The following DLEU7 variants were observed in gnomAD, a reference collection of about 807,000 sequenced individuals.
The protein encoded by DLEU7 is leukemia-associated protein 7.
A neutral mutation model predicts 16.0 loss-of-function variants in DLEU7; 17 were observed. The observed-to-expected ratio is 1.06, with a 90% CI of 0.73 to 1.59. The LOEUF is 1.59. DLEU7 is among the 40% of genes most tolerant of loss of function. The pLI, the probability that DLEU7 is intolerant of heterozygous loss-of-function variation, is 0.00. For synonymous variants in DLEU7, 113 were observed against 139.8 expected (o/e 0.81, Z 1.35); for missense variants, 308 against 314.9 (o/e 0.98, Z 0.17).
chr13:50,746,576 G>T (rs1874402109), intron 1 of DLEU7, among the ~76,000 whole-genome samples: 1 of 152,258 alleles, frequency 6.6e-6, no homozygotes, highest in East Asian at 1.9e-4. Context: ...TCCCCTCTGA[G>T]TATGAATCAC....
chr13:50,721,397 C>T (rs974949875), intron 1 of DLEU7, among the ~76,000 whole-genome samples: 1 of 152,076 alleles, frequency 6.6e-6, no homozygotes, highest in Non-Finnish European at 1.5e-5. Flanking sequence ...GTCAATTCTC[C>T]TTAATAAACT....
At chr13:50,816,976 G>T (rs1807641118) in intron 1 of DLEU7, among the ~76,000 whole-genome samples, 1 of 152,086 alleles carries the variant, frequency 6.6e-6, no homozygotes, top group African/African-American at 2.4e-5. Flanking sequence ...GTGCAGGGAG[G>T]CAGGGGTCTT....
chr13:50,837,566 T>C (rs1877512076), intron 1 of DLEU7, among the ~76,000 whole-genome samples: 1 of 152,200 alleles, frequency 6.6e-6, no homozygotes, highest in East Asian at 1.9e-4. Context: ...TATAAAAGCA[T>C]GATTTTGTCA....
chr13:50,757,616 C>T (rs1874801258), intron 1 of DLEU7, among the ~76,000 whole-genome samples: 1 of 152,204 alleles, frequency 6.6e-6, no homozygotes, highest in Admixed American at 6.5e-5. Flanking sequence ...ATGCTTGTTA[C>T]TGCAATCGAT....
intron 1 of DLEU7, among the ~76,000 whole-genome samples, chr13:50,741,345 G>T (rs1311829079): frequency 6.6e-6 from 1 of 152,084 alleles, no homozygotes; most frequent in East Asian, 1.9e-4. Context: ...TGAAGATATG[G>T]CTCATGAACC....
At chr13:50,741,499 T>C (rs181215144) in intron 1 of DLEU7, among the ~76,000 whole-genome samples, 2 of 152,298 alleles carry the variant, frequency 1.3e-5, no homozygotes, top group South Asian at 2.1e-4. Context: ...GGAGTTCTTA[T>C]ACAAAAATAA....
At chr13:50,816,230 A>T (rs2137795539) in intron 1 of DLEU7, among the ~76,000 whole-genome samples, 1 of 152,212 alleles carries the variant, frequency 6.6e-6, no homozygotes, top group Non-Finnish European at 1.5e-5. Context: ...TCTCCCTTTC[A>T]TCCTTCAATT....
chr13:50,785,770 C>T (rs775734863), intron 1 of DLEU7, among the ~76,000 whole-genome samples: 1 of 152,148 alleles, frequency 6.6e-6, no homozygotes, highest in Non-Finnish European at 1.5e-5. Flanking sequence ...TGGGAAGTAC[C>T]AGTTTTCTCC....
At chr13:50,794,861 C>A (rs1876065637) in intron 1 of DLEU7, among the ~76,000 whole-genome samples, 1 of 151,940 alleles carries the variant, frequency 6.6e-6, no homozygotes, top group Admixed American at 6.6e-5. Context: ...TGGAAGCTGG[C>A]TGGCTAGGTT....
chr13:50,747,075 C>A (rs1292521678), intron 1 of DLEU7, among the ~76,000 whole-genome samples: 1 of 151,934 alleles, frequency 6.6e-6, no homozygotes, highest in Non-Finnish European at 1.5e-5. Flanking sequence ...TAATAAGAAC[C>A]AGAATTCACG....
intron 1 of DLEU7, among the ~76,000 whole-genome samples, chr13:50,770,977 C>T (rs1875289507): frequency 6.6e-6 from 1 of 152,168 alleles, no homozygotes; most frequent in African/African-American, 2.4e-5. Context: ...GATTCAACTT[C>T]TTCCTGGTTT....
intron 1 of DLEU7, among the ~76,000 whole-genome samples, chr13:50,773,680 T>C (rs1237415491): frequency 6.6e-6 from 1 of 152,142 alleles, no homozygotes; most frequent in Non-Finnish European, 1.5e-5. Context: ...ATATGAAGTG[T>C]CAGTGGGCAC....
At chr13:50,759,929 C>G (rs111933) in intron 1 of DLEU7, among the ~76,000 whole-genome samples, 1 of 151,898 alleles carries the variant, frequency 6.6e-6, no homozygotes, top group African/African-American at 2.4e-5. Flanking sequence ...TTTGGACCCT[C>G]CCTTCTGAGA....
At chr13:50,773,035 C>T (rs1875371066) in intron 1 of DLEU7, among the ~76,000 whole-genome samples, 1 of 152,106 alleles carries the variant, frequency 6.6e-6, no homozygotes, top group African/African-American at 2.4e-5. Context: ...GTCACTGATA[C>T]CCTTTCTTCC....
exon 2 of DLEU7, chr13:50,712,967 A>T (rs1477932599): frequency 2.1e-6 from 1 of 483,794 alleles, no homozygotes; most frequent in Non-Finnish European, 3.7e-6. Flanking sequence ...AGATGACAGG[A>T]TTACTTGGAG....
intron 1 of DLEU7, among the ~76,000 whole-genome samples, chr13:50,789,842 T>C (rs897088461): frequency 1.3e-5 from 2 of 152,228 alleles, no homozygotes; most frequent in African/African-American, 4.8e-5. Flanking sequence ...TTTCTTAATG[T>C]TAAGGTCTGA....
chr13:50,830,626 C>T (rs999373008), intron 1 of DLEU7, among the ~76,000 whole-genome samples: 1 of 152,180 alleles, frequency 6.6e-6, no homozygotes, highest in Non-Finnish European at 1.5e-5. Flanking sequence ...CATTTGGACA[C>T]ACTAGAGAAA....
intron 1 of DLEU7, among the ~76,000 whole-genome samples, chr13:50,772,292 A>G (rs530542813): frequency 1.3e-5 from 2 of 152,254 alleles, no homozygotes; most frequent in South Asian, 2.1e-4. Context: ...TTATGTGTGA[A>G]TTCAATCCTG....
chr13:50,712,993 GAA>G, exon 2 of DLEU7: 2 of 543,262 alleles, frequency 3.7e-6, no homozygotes, highest in South Asian at 5.2e-5. Context: ...AGAGGATAAA[GAA>G]AGCAGGATGA....
Sources: allele counts gnomAD v4.1 joint callset (sites outside exome capture counted in the v4.1 genomes callset), GRCh38; gene constraint gnomAD v4.1.1; transcripts MANE v1.5; gene names NCBI Gene and HGNC (gene_info 2026-07-23, HGNC 2026-07-21).